ASNSD1: variants seen among roughly 807,000 people sequenced by gnomAD.
The protein encoded by ASNSD1 is asparagine synthetase domain-containing protein 1.
In ASNSD1, 36 loss-of-function variants were observed where a neutral mutation model predicts 48.3. That is an observed-to-expected ratio of 0.75 (90% CI 0.57 to 0.99). The LOEUF (loss-of-function observed/expected upper bound fraction) is 0.99. Among genes scored for constraint, ASNSD1 ranks in the 50% least tolerant of loss-of-function variants. The pLI is 0.00. For synonymous variants in ASNSD1, 257 were observed against 262.1 expected (o/e 0.98, Z 0.19); for missense variants, 714 against 758.2 (o/e 0.94, Z 0.69).
chr2:189,662,682 A>G (rs969735327), intron 1 of ASNSD1, among the ~76,000 whole-genome samples: 2 of 152,176 alleles, frequency 1.3e-5, no homozygotes, highest in African/African-American at 2.4e-5. Flanking sequence ...AATATGATAA[A>G]AGCTGCTTTT....
chr2:189,670,229 T>C (rs2032898001), intron 5 of ASNSD1, among the ~76,000 whole-genome samples: 1 of 151,256 alleles, frequency 6.6e-6, no homozygotes, highest in South Asian at 2.1e-4. Context: ...TTTCAAGGCC[T>C]CCACAAAGAT....
intron 1 of ASNSD1, 93 bp downstream of exon 1, chr2:189,661,703 C>T: frequency 2.5e-6 from 1 of 398,872 alleles, no homozygotes. Flanking sequence ...GTGGGGCCTG[C>T]CTGGGCCTCG....
At chr2:189,661,729 T>C (rs2032669364) in intron 1 of ASNSD1, 119 bp downstream of exon 1, 1 of 398,064 alleles carries the variant, frequency 2.5e-6, no homozygotes, top group Admixed American at 4.4e-5. Context: ...GCCCTGCTAC[T>C]TTGCTCTTTT....
chr2:189,670,447 T>G lies in ASNSD1; in HGVS notation c.1653T>G (p.Pro551=), dbSNP rs2032900558. 6.2e-7 allele frequency: 1 copy of G among 1,607,652 alleles called. No homozygotes were observed. Among genetic ancestry groups the G allele is most frequent in the African/African-American group, 1.3e-5 (1 of 74,646 alleles). The change falls in exon 6 of 6, where the codon CCT becomes CCG. Residue 551 remains proline (P), a synonymous_variant. Coordinates refer to ENST00000260952, the MANE Select transcript of ASNSD1 (RefSeq NM_019048.4). ...IGDHGKEARF[P]FLDENVVSFL... is the part of the protein sequence containing the mutation. ...TATTATCTGTCTATTTTAGATTTCCTTTCCTGGATGAAAATGTTGTCTCCT... is the reference window on the plus strand; with the variant it reads ...TATTATCTGTCTATTTTAGATTTCCGTTCCTGGATGAAAATGTTGTCTCCT...
At position 189,667,861 on chromosome 2, in the gene ASNSD1, AAAT is replaced by A. The variant is rs775939108; in HGVS notation, c.1566_1568del (p.Ile522del). 1.2e-5 allele frequency: 20 copies of A among 1,614,012 alleles called. No individual in the cohort carries two copies. The highest frequency in any genetic ancestry group is 4.5e-5 in the East Asian group (2 of 44,896). ...CATGGGCTGGAAGGATTGAATAAGG[AAAT>A]AATGATGGAACTGGGTCGAATTTCT... On this transcript the variant is annotated inframe_deletion, in exon 5 of 6. Coordinates refer to ENST00000260952, the MANE Select transcript of ASNSD1 (RefSeq NM_019048.4).
At chr2:189,665,628 ATATATATATATATATATAT>A in intron 3 of ASNSD1, among the ~76,000 whole-genome samples, 177 bp downstream of exon 3, 1 of 124,444 alleles carries the variant, frequency 8.0e-6, no homozygotes, top group Non-Finnish European at 1.7e-5. Context: ...ATATATATAT[ATATATATATATATATATAT>A]TATAAATGTT....
intron 1 of ASNSD1, among the ~76,000 whole-genome samples, chr2:189,663,108 A>G (rs1168672908): frequency 6.6e-6 from 1 of 152,148 alleles, no homozygotes; most frequent in Non-Finnish European, 1.5e-5. Context: ...CACTTAGTAC[A>G]TAAAATCATG....
Position 189,665,406 on chromosome 2 carries a change from A to G in ASNSD1, c.-138A>G. 3 of 397,736 alleles carry G rather than the reference A, an allele frequency of 7.5e-6. No homozygotes were observed. The highest frequency in any genetic ancestry group is 1.3e-5 in the Non-Finnish European group (3 of 225,496). The allele number at this position is 397,736 out of a possible 1,614,324, so 24.6% of individuals were successfully genotyped here. ...ATATAGGCAACAACAGAACAGCAAT[A>G]TATTCTTTCTTGCAGACCGAACAGA... is the stretch of plus-strand genomic sequence containing the variant. On this transcript the variant is annotated 5_prime_UTR_variant, in exon 3 of 6. It adds an upstream start codon to the 5' untranslated region. Transcript: ENST00000260952.
chr2:189,667,933 G>A lies in ASNSD1; in HGVS notation c.1634G>A (p.Gly545Glu). The part of the protein sequence containing the change: ...GRDDRVIGDH[G>E]KEARFPFLDE... ...GATGACAGAGTTATTGGTGATCATG[G>A]AAAAGAAGCAAGGTAATTCTAATCA... Residue 545 changes from glycine to glutamate, a missense_variant, in exon 5 of 6, where the codon GGA becomes GAA. By Grantham distance (98) the Gly-to-Glu change is moderately conservative (BLOSUM62 -2). Transcript: ENST00000260952. The A allele has an allele frequency of 6.2e-7, 1 of 1,610,064 alleles. No individual in the cohort carries two copies. The highest frequency in any genetic ancestry group is 8.5e-7 in the Non-Finnish European group (1 of 1,178,738).
At chr2:189,670,375 CTG>C (rs1462193972) in intron 5 of ASNSD1, 64 bp from the exon 6 acceptor site, 18 of 1,356,604 alleles carry the variant, frequency 1.3e-5, no homozygotes, top group East Asian at 2.3e-5. Context: ...AGCTATAAAA[CTG>C]TGTATAAATC....
In ASNSD1 at chr2:189,667,592, C is replaced by T; in HGVS notation, c.1460C>T (p.Ala487Val). The change falls in exon 4 of 6, where the codon GCA becomes GTA. Residue 487 changes from alanine (A) to valine (V), a missense_variant. Coordinates refer to ENST00000260952, the MANE Select transcript of ASNSD1 (RefSeq NM_019048.4). ...GGAGTGAAATCCTATCAGAGCAATG[C>T]AAAGGTATGACACAGTGTTTCTTCT... ...QEGVKSYQSN[A>V]KVVLTGIGAD... The T allele has an allele frequency of 6.2e-7, 1 of 1,601,512 alleles. No homozygotes were observed. The highest frequency in any genetic ancestry group is 8.5e-7 in the Non-Finnish European group (1 of 1,173,938).
chr2:189,667,212 A>G lies in ASNSD1; in HGVS notation c.1080A>G (p.Glu360=), dbSNP rs747499215. Residue 360 remains glutamate (E), a synonymous_variant, in exon 4 of 6, where the codon GAA becomes GAG. Coordinates refer to ENST00000260952, the MANE Select transcript of ASNSD1 (RefSeq NM_019048.4). ...DLLNVAFIAE[E]KTMPTTFNRE... ...TTAATGTAGCTTTCATAGCTGAAGA[A>G]AAGACCATGCCAACTACCTTTAACA... The G allele has an allele frequency of 1.8e-5, 29 of 1,614,090 alleles. No individual in the cohort carries two copies. The highest frequency in any genetic ancestry group is 2.4e-5 in the Non-Finnish European group (28 of 1,180,042).
rs1559035157 is a variant in ASNSD1 at position 189,666,820 on chromosome 2, G to A, written c.688G>A (p.Ala230Thr). 6.2e-7 allele frequency: 1 copy of A among 1,614,062 alleles called. No individual in the cohort carries two copies. Among genetic ancestry groups the A allele is most frequent in the East Asian group, 2.2e-5 (1 of 44,876 alleles). Reference sequence around the variant, plus strand: ...CTTACCAGCATTTGTATCAGTGGTAGCAAATGAAGCCAAACTGTATCTTGA... The same window carrying A: ...CTTACCAGCATTTGTATCAGTGGTAACAAATGAAGCCAAACTGTATCTTGA... ...ADLPAFVSVV[A>T]NEAKLYLEKP... The change falls in exon 4 of 6, where the codon GCA becomes ACA. Residue 230 changes from alanine to threonine, a missense_variant. Coordinates refer to ENST00000260952, the MANE Select transcript of ASNSD1 (RefSeq NM_019048.4).
chr2:189,661,849 G>A (rs921433445), intron 1 of ASNSD1, among the ~76,000 whole-genome samples: 1 of 152,174 alleles, frequency 6.6e-6, no homozygotes, highest in African/African-American at 2.4e-5. Flanking sequence ...ACAGTGGGGC[G>A]GAGTTTTGGT....
Position 189,667,043 on chromosome 2 carries a change from A to G in ASNSD1, c.911A>G (p.Asp304Gly), listed in dbSNP as rs766176102. 5 of 1,613,986 alleles carry G rather than the reference A, an allele frequency of 3.1e-6. No individual in the cohort carries two copies. In the South Asian group the frequency reaches 5.5e-5, roughly 18 times the overall value. Residue 304 changes from aspartate (D) to glycine (G), a missense_variant, in exon 4 of 6, where the codon GAT becomes GGT. Coordinates refer to ENST00000260952, the MANE Select transcript of ASNSD1 (RefSeq NM_019048.4). ...AAACGTGTCTTGTGTTTACCTAGGG[A>G]TGAAAACCTGACAGCAAATGAAGTT... ...VKKRVLCLPR[D>G]ENLTANEVLK...
chr2:189,669,035 A>T (rs778461337), intron 5 of ASNSD1, among the ~76,000 whole-genome samples: 27 of 152,146 alleles, frequency 1.8e-4, no homozygotes, highest in Non-Finnish European at 3.4e-4. Context: ...GCTTCATGAG[A>T]ATTAAACATA....
At position 189,666,391 on chromosome 2, in the gene ASNSD1, G is replaced by A; in HGVS notation, c.259G>A (p.Ala87Thr). The A allele has an allele frequency of 6.2e-7, 1 of 1,614,062 alleles. No individual in the cohort carries two copies. Among genetic ancestry groups the A allele is most frequent in the African/African-American group, 1.3e-5 (1 of 75,056 alleles). The change falls in exon 4 of 6, where the codon GCT (alanine) becomes ACT (threonine). Residue 87 changes from alanine (A) to threonine (T), a missense_variant. By Grantham distance (58) the Ala-to-Thr change is moderately conservative. Coordinates refer to ENST00000260952, the MANE Select transcript of ASNSD1 (RefSeq NM_019048.4). The part of the protein sequence containing the change: ...GEIFSGIKVE[A>T]EENDTQILFN... ...AATTTTTAGTGGAATAAAGGTTGAA[G>A]CTGAAGAGAATGACACTCAAATTTT...
At chr2:189,669,169 T>C (rs889918323) in intron 5 of ASNSD1, among the ~76,000 whole-genome samples, 1 of 152,238 alleles carries the variant, frequency 6.6e-6, no homozygotes, top group East Asian at 1.9e-4. Flanking sequence ...CTTAAGTTTC[T>C]GGTCCTAGCC....
Position 189,667,916 on chromosome 2 carries a change from A to C in ASNSD1, c.1617A>C (p.Arg539Ser). 6.2e-7 allele frequency: 1 copy of C among 1,610,644 alleles called. No homozygotes were observed. The highest frequency in any genetic ancestry group is 2.2e-5 in the East Asian group (1 of 44,844). ...ISSRNLGRDD[R>S]VIGDHGKEAR... The stretch of plus-strand genomic sequence containing the variant: ...CTAGAAATCTTGGTCGTGATGACAG[A>C]GTTATTGGTGATCATGGAAAAGAAG... Residue 539 changes from arginine (R) to serine (S), a missense_variant, in exon 5 of 6, where the codon AGA (arginine) becomes AGC (serine). By Grantham distance (110) the Arg-to-Ser change is moderately radical (BLOSUM62 -1). Coordinates refer to ENST00000260952, the MANE Select transcript of ASNSD1 (RefSeq NM_019048.4).
Sources: allele counts gnomAD v4.1 joint callset (sites outside exome capture counted in the v4.1 genomes callset), GRCh38; gene constraint gnomAD v4.1.1; transcripts MANE v1.5; gene names NCBI Gene and HGNC (gene_info 2026-07-23, HGNC 2026-07-21).